The following PARVA variants were observed in gnomAD, a reference collection of about 807,000 sequenced individuals.
PARVA encodes alpha-parvin.
In PARVA, 25 loss-of-function variants were observed where a neutral mutation model predicts 52.6. The ratio of observed to expected loss-of-function variants is 0.48; its 90% CI spans 0.35 to 0.66. PARVA has a LOEUF of 0.66. PARVA is among the 30% of genes least tolerant of loss of function. The probability of loss-of-function intolerance (pLI) is 0.01; values close to 1 mark genes in which losing one functional copy is unlikely to be tolerated. For missense variants in PARVA, 373 were observed against 450.9 expected, an observed-to-expected ratio of 0.83 and a Z score of 1.56; for synonymous variants, 185 against 179.1, an observed-to-expected ratio of 1.03 and a Z score of -0.26.
intron 7 of PARVA, among the ~76,000 whole-genome samples, 184 bp from the exon 8 acceptor site, chr11:12,511,330 T>C (rs1188225045): frequency 6.6e-6 from 1 of 152,110 alleles, no homozygotes; most frequent in Non-Finnish European, 1.5e-5. Flanking sequence ...GTCTCAATAA[T>C]TGGAGGCCGT....
upstream of PARVA, chr11:12,377,549 C>G: frequency 6.8e-7 from 1 of 1,475,544 alleles, no homozygotes; most frequent in East Asian, 2.9e-5. Flanking sequence ...AATTCCGCTT[C>G]CGTTTGGAAA....
intron 1 of PARVA, among the ~76,000 whole-genome samples, chr11:12,398,023 C>T (rs1236509008): frequency 2.0e-5 from 3 of 152,178 alleles, no homozygotes; most frequent in South Asian, 2.1e-4. Flanking sequence ...AGGCCCAGAA[C>T]AGCTGGGCCC....
intron 10 of PARVA, 63 bp downstream of exon 10, chr11:12,514,128 G>A: frequency 7.5e-7 from 1 of 1,338,384 alleles, no homozygotes; most frequent in Non-Finnish European, 1.1e-6. Context: ...TGTTCCAAGT[G>A]GCCCACCACA....
chr11:12,425,611 G>C (rs972185600), intron 1 of PARVA, among the ~76,000 whole-genome samples: 5 of 152,088 alleles, frequency 3.3e-5, no homozygotes, highest in African/African-American at 1.2e-4. Context: ...TCCCTTAAGT[G>C]TGCCTTCATC....
intron 1 of PARVA, among the ~76,000 whole-genome samples, chr11:12,395,768 T>G (rs975753216): frequency 6.6e-6 from 1 of 152,190 alleles, no homozygotes; most frequent in Non-Finnish European, 1.5e-5. Flanking sequence ...AGCCAACACT[T>G]GGCAGCCCAG....
At chr11:12,509,359 G>A (rs926383925) in intron 7 of PARVA, among the ~76,000 whole-genome samples, 1 of 152,138 alleles carries the variant, frequency 6.6e-6, no homozygotes, top group Admixed American at 6.5e-5. Flanking sequence ...TCAAATACAG[G>A]CTCTGCCACT....
chr11:12,412,636 C>CTGT (rs1940006724), intron 1 of PARVA, among the ~76,000 whole-genome samples: 1 of 152,202 alleles, frequency 6.6e-6, no homozygotes, highest in Non-Finnish European at 1.5e-5. Context: ...ATGTACCAGC[C>CTGT]TGTTCTTTAA....
At chr11:12,439,899 T>C (rs1940439047) in intron 1 of PARVA, among the ~76,000 whole-genome samples, 2 of 152,224 alleles carry the variant, frequency 1.3e-5, no homozygotes, top group South Asian at 4.1e-4. Flanking sequence ...TGCACAACCC[T>C]TCTTAGAGAG....
At chr11:12,383,271 A>G (rs1422729707) in intron 1 of PARVA, among the ~76,000 whole-genome samples, 1 of 152,152 alleles carries the variant, frequency 6.6e-6, no homozygotes, top group Non-Finnish European at 1.5e-5. Context: ...TCTACTTGCC[A>G]GAGGGCCACT....
intron 1 of PARVA, among the ~76,000 whole-genome samples, chr11:12,470,565 G>GA (rs1229400766): frequency 6.6e-6 from 1 of 152,200 alleles, no homozygotes; most frequent in Non-Finnish European, 1.5e-5. Flanking sequence ...CCTCATGGGG[G>GA]ATCTAATAGT....
At chr11:12,431,520 C>T (rs1161546427) in intron 1 of PARVA, among the ~76,000 whole-genome samples, 1 of 152,190 alleles carries the variant, frequency 6.6e-6, no homozygotes, top group African/African-American at 2.4e-5. Context: ...GAAGTTCTTG[C>T]CCCACATTTT....
chr11:12,451,400 G>A (rs190672143), intron 1 of PARVA, among the ~76,000 whole-genome samples: 32 of 151,558 alleles, frequency 2.1e-4, no homozygotes, highest in Admixed American at 1.7e-3. Flanking sequence ...GGATACTCAC[G>A]TCCCTACCTA....
chr11:12,452,817 A>G (rs1940642177), intron 1 of PARVA: 1 of 277,522 alleles, frequency 3.6e-6, no homozygotes, highest in Admixed American at 4.0e-5. Flanking sequence ...ATAGGCAGCC[A>G]CTTGTTTGCA....
intron 1 of PARVA, among the ~76,000 whole-genome samples, chr11:12,436,800 CTA>C (rs1416348684): frequency 1.3e-5 from 2 of 152,002 alleles, no homozygotes; most frequent in African/African-American, 4.8e-5. Flanking sequence ...GAAATGCAAA[CTA>C]TTTCAAAAGA....
intron 10 of PARVA, among the ~76,000 whole-genome samples, chr11:12,516,614 G>A (rs1941570904): frequency 6.6e-6 from 1 of 152,204 alleles, no homozygotes. Flanking sequence ...TCCTGCCAGG[G>A]CCCTCAGCAC....
rs1479209558 is a variant in PARVA, at chr11:12,530,994, T to TTAAG, written c.*3071_*3074dup. On this transcript the variant is annotated 3_prime_UTR_variant, in exon 13 of 13. Transcript: ENST00000334956. Reference sequence around the variant, plus strand: ...CTCATGTGCCTCGAACCGAATGTTTTTAAGTCCTCTTTTGGAACCTTATGG... The same window carrying TTAAG: ...CTCATGTGCCTCGAACCGAATGTTTTTAAGTAAGTCCTCTTTTGGAACCTTATGG... Among the ~76,000 whole-genome samples, 2 of 152,214 alleles carry TTAAG rather than the reference T, an allele frequency of 1.3e-5. No individual in the cohort carries two copies. Among genetic ancestry groups the TTAAG allele is most frequent in the Non-Finnish European group, 2.9e-5 (2 of 68,034 alleles).
intron 1 of PARVA, among the ~76,000 whole-genome samples, chr11:12,406,763 C>G (rs1939916926): frequency 6.7e-6 from 1 of 150,096 alleles, no homozygotes; most frequent in African/African-American, 2.5e-5. Context: ...CTCCGCCTCC[C>G]AGGTTCATAC....
intron 1 of PARVA, chr11:12,452,741 G>A (rs747810952): frequency 3.0e-5 from 7 of 236,952 alleles, no homozygotes; most frequent in Admixed American, 9.0e-5. Context: ...GCCAAGAGGC[G>A]AGAGGCAGAA....
chr11:12,457,208 C>T (rs780253724), intron 1 of PARVA, among the ~76,000 whole-genome samples: 16 of 152,108 alleles, frequency 1.1e-4, no homozygotes, highest in Non-Finnish European at 1.5e-4. Context: ...ATCAGCAGAA[C>T]GTCAGACAGG....
Sources: allele counts gnomAD v4.1 joint callset (sites outside exome capture counted in the v4.1 genomes callset), GRCh38; gene constraint gnomAD v4.1.1; transcripts MANE v1.5; gene names NCBI Gene and HGNC (gene_info 2026-07-23, HGNC 2026-07-21).